The following EYS variants were observed in gnomAD, a reference collection of about 807,000 sequenced individuals.
The protein encoded by EYS is EGF-like photoreceptor maintenance factor, also known as protein eyes shut homolog.
A neutral mutation model predicts 282.1 loss-of-function variants in EYS; 250 were observed. The observed-to-expected ratio is 0.89, with a 90% confidence interval of 0.80 to 0.98. The LOEUF (loss-of-function observed/expected upper bound fraction) is 0.98. Ranked by LOEUF, EYS falls within the 50% of genes least tolerant of loss-of-function variation. The pLI, the probability that EYS is intolerant of heterozygous loss-of-function variation, is 0.00. For synonymous variants in EYS, 1,355 were observed against 1,282.9 expected (o/e 1.06, Z -1.20); for missense variants, 4,016 against 3,709.0 (o/e 1.08, Z -2.15).
intron 22 of EYS, among the ~76,000 whole-genome samples, chr6:64,718,599 T>C (rs1771472887): frequency 6.6e-6 from 1 of 152,234 alleles, no homozygotes; most frequent in South Asian, 2.1e-4. Flanking sequence ...ACGCTTTTCA[T>C]TGTGTGATTT....
At chr6:64,390,071 TA>T (rs1470999550) in intron 28 of EYS, among the ~76,000 whole-genome samples, 2 of 151,852 alleles carry the variant, frequency 1.3e-5, no homozygotes, top group East Asian at 1.9e-4. Flanking sequence ...CCAACGGGCT[TA>T]AAAAACGGCA....
intron 35 of EYS, among the ~76,000 whole-genome samples, chr6:63,871,713 T>C (rs1772809654): frequency 6.6e-6 from 1 of 152,062 alleles, no homozygotes; most frequent in Non-Finnish European, 1.5e-5. Flanking sequence ...AAATCTACCC[T>C]TTATAATCCT....
chr6:65,181,272 C>A (rs1308729971), intron 12 of EYS, among the ~76,000 whole-genome samples: 2 of 152,054 alleles, frequency 1.3e-5, no homozygotes, highest in African/African-American at 2.4e-5. Context: ...GAACAGGCAA[C>A]CTACAGAGTG....
chr6:64,293,679 A>G (rs540916147), intron 30 of EYS, among the ~76,000 whole-genome samples: 87 of 152,240 alleles, frequency 5.7e-4, no homozygotes, highest in African/African-American at 1.9e-3. Flanking sequence ...TTAACAAAGT[A>G]TTTTTTAAAA....
intron 2 of EYS, among the ~76,000 whole-genome samples, chr6:65,532,668 G>C (rs9453322): frequency 0.017 from 2,636 of 152,192 alleles, 80 homozygotes; most frequent in African/African-American, 0.06. Flanking sequence ...TCTCACTTTT[G>C]CTGTCCTGGA....
chr6:65,465,030 T>C (rs1045422242), intron 5 of EYS, among the ~76,000 whole-genome samples: 1 of 152,208 alleles, frequency 6.6e-6, no homozygotes, highest in Non-Finnish European at 1.5e-5. Context: ...AATAGAACCA[T>C]TGTTCTGAAT....
chr6:64,089,778 C>T (rs900696783), intron 31 of EYS, among the ~76,000 whole-genome samples: 4 of 151,914 alleles, frequency 2.6e-5, no homozygotes, highest in South Asian at 2.1e-4. Context: ...CTATTTTTCC[C>T]CCACAGAAGA....
At chr6:64,516,505 A>G (rs901261983) in intron 26 of EYS, among the ~76,000 whole-genome samples, 7 of 151,840 alleles carry the variant, frequency 4.6e-5, no homozygotes, top group Non-Finnish European at 8.8e-5. Context: ...AAATTGATTG[A>G]GCTGTCTACC....
At chr6:64,207,742 C>T (rs2150325731) in intron 31 of EYS, among the ~76,000 whole-genome samples, 1 of 152,242 alleles carries the variant, frequency 6.6e-6, no homozygotes, top group Middle Eastern at 3.4e-3. Context: ...ACTGCAACCT[C>T]CGCCTCCCAA....
intron 31 of EYS, among the ~76,000 whole-genome samples, chr6:64,208,877 T>C (rs999923405): frequency 3.3e-5 from 5 of 152,150 alleles, no homozygotes; most frequent in African/African-American, 4.8e-5. Flanking sequence ...TAATTGCTCA[T>C]GTTAAACCTT....
At chr6:63,804,222 G>T (rs1256689604) in intron 37 of EYS, among the ~76,000 whole-genome samples, 2 of 152,058 alleles carry the variant, frequency 1.3e-5, no homozygotes, top group African/African-American at 4.8e-5. Flanking sequence ...CTCCATGTTG[G>T]TCAGGCTGCT....
Position 64,824,151 on chromosome 6 carries a change from G to A in EYS, c.2993-1329C>T, listed in dbSNP as rs1583195925. Among the ~76,000 whole-genome samples, 3 of 151,964 alleles carry A rather than the reference G, an allele frequency of 2.0e-5. No homozygotes were observed. The South Asian group carries it at 6.2e-4, about 32-fold the overall frequency. Reference sequence around the variant, plus strand: ...CTCTACCTGGGATATTGACATCTGTGTTTAAGAGGAAAAAAGACACTTCCC... The same window carrying A: ...CTCTACCTGGGATATTGACATCTGTATTTAAGAGGAAAAAAGACACTTCCC... On this transcript the variant is annotated intron_variant, in intron 19 of 42. Transcript: ENST00000503581.
At chr6:64,792,857 C>CGTGTGTGTGTGTGTGTGTGTGT (rs61516922) in intron 22 of EYS, among the ~76,000 whole-genome samples, 10,045 of 148,238 alleles carry the variant, frequency 0.068, 498 homozygotes, top group Non-Finnish European at 0.09. Flanking sequence ...GATCTTGACA[C>CGTGTGTGTGTGTGTGTGTGTGT]GTGTGTGTGT....
intron 2 of EYS, among the ~76,000 whole-genome samples, chr6:65,636,194 G>A (rs974460012): frequency 2.6e-5 from 4 of 152,164 alleles, no homozygotes; most frequent in African/African-American, 9.7e-5. Flanking sequence ...TCATTTCTCT[G>A]CGCAAAATTT....
chr6:65,220,336 C>T (rs1302781633), intron 12 of EYS, among the ~76,000 whole-genome samples: 1 of 152,054 alleles, frequency 6.6e-6, no homozygotes, highest in Non-Finnish European at 1.5e-5. Flanking sequence ...GAGGGTAACA[C>T]TGTGATGATA....
intron 18 of EYS, among the ~76,000 whole-genome samples, chr6:64,896,167 A>G (rs1583271281): frequency 6.6e-6 from 1 of 152,332 alleles, no homozygotes; most frequent in East Asian, 1.9e-4. Context: ...GGAATAGCTC[A>G]GGTCTGCAGC....
intron 5 of EYS, among the ~76,000 whole-genome samples, chr6:65,470,404 A>G (rs534690349): frequency 1.3e-5 from 2 of 152,266 alleles, no homozygotes; most frequent in African/African-American, 4.8e-5. Context: ...AATAGAACTT[A>G]TTATTATTTT....
chr6:63,726,725 T>G (rs1363943359), intron 41 of EYS, 45 bp from the exon 42 acceptor site: 4 of 1,466,932 alleles, frequency 2.7e-6, no homozygotes, highest in South Asian at 1.3e-5. Flanking sequence ...ATCTGCTGGA[T>G]TAAAAAACAT....
chr6:64,048,969 T>C (rs34614898), intron 33 of EYS, among the ~76,000 whole-genome samples: 32,173 of 152,090 alleles, frequency 0.21, 3,628 homozygotes, highest in Middle Eastern at 0.34. Context: ...TCACCCACTT[T>C]ATCTTTGAAA....
Sources: gnomAD v4.1 joint callset for allele counts (sites outside exome capture counted in the v4.1 genomes callset) on GRCh38, gnomAD v4.1.1 for gene constraint, MANE v1.5 for transcripts, NCBI Gene and HGNC (gene_info 2026-07-23, HGNC 2026-07-21) for gene names.